The following ZHX1 variants were observed in gnomAD, a reference collection of about 807,000 sequenced individuals.
The protein encoded by ZHX1 is zinc fingers and homeoboxes 1, also known as zinc fingers and homeoboxes protein 1.
A neutral mutation model predicts 61.8 loss-of-function variants in ZHX1; 20 were observed. The ratio of observed to expected loss-of-function variants is 0.32; its 90% CI spans 0.23 to 0.47. The LOEUF is 0.47. Among genes scored for constraint, ZHX1 ranks in the 20% least tolerant of loss-of-function variants. ZHX1 has a pLI of 1.00. For missense variants in ZHX1, 800 were observed against 1,034.8 expected (o/e 0.77, Z 3.11); for synonymous variants, 318 against 352.6 (o/e 0.90, Z 1.10).
At chr8:123,268,257 C>T (rs1245658284) in intron 1 of ZHX1, among the ~76,000 whole-genome samples, 1 of 152,102 alleles carries the variant, frequency 6.6e-6, no homozygotes, top group African/African-American at 2.4e-5. Flanking sequence ...TTAGCCATGT[C>T]GTTTTTGCCT....
At chr8:123,257,942 G>A (rs1826125420) in intron 2 of ZHX1, among the ~76,000 whole-genome samples, 1 of 152,100 alleles carries the variant, frequency 6.6e-6, no homozygotes, top group Non-Finnish European at 1.5e-5. Flanking sequence ...ACTGTACATG[G>A]CAGAGTAATG....
chr8:123,254,480 G>A lies in ZHX1; in HGVS notation c.1467C>T (p.Pro489=), dbSNP rs1439142260. Residue 489 remains proline, a synonymous_variant, in exon 3 of 4, where the codon CCC becomes CCT. Coordinates refer to ENST00000395571, the MANE Select transcript of ZHX1 (RefSeq NM_007222.5). This position sits in a 1 kb window ranked among gnomAD's most constrained non-coding sequence, Gnocchi z 4.1. ...TAAGTCTGATAATTTCTGAATCATG[G>A]GGAAACTGATTTTTAAGGTAGCTAA... is the stretch of plus-strand genomic sequence containing the variant. ...LKVSYLKNQF[P]HDSEIIRLMK... 6.2e-7 allele frequency: 1 copy of A among 1,613,768 alleles called. No individual in the cohort carries two copies.
intron 2 of ZHX1, among the ~76,000 whole-genome samples, chr8:123,264,386 TA>T (rs545773127): frequency 1.3e-5 from 2 of 151,836 alleles, no homozygotes; most frequent in Non-Finnish European, 1.5e-5. Flanking sequence ...TACCCACTAC[TA>T]AAAAAAAGTC....
chr8:123,256,981 C>T (rs1258735555), intron 2 of ZHX1: 3 of 152,008 alleles, frequency 2.0e-5, no homozygotes. Flanking sequence ...TGCAGTGGCG[C>T]AATCTTGGCT....
In ZHX1 at chr8:123,254,986, C is replaced by T; in HGVS notation, c.961G>A (p.Ala321Thr). ...MSEITVLSAQ[A>T]KYTEEQIKIW... is the part of the protein sequence containing the mutation. The stretch of plus-strand genomic sequence containing the variant: ...TTGATCTGTTCCTCTGTATATTTTG[C>T]TTGAGCAGAAAGAACTGTAATTTCT... Residue 321 changes from alanine (A) to threonine (T), a missense_variant, in exon 3 of 4, where the codon GCA (alanine) becomes ACA (threonine). Physicochemically the swap from Ala to Thr is moderately conservative, Grantham distance 58. Transcript: ENST00000395571. The surrounding 1 kb of genome is among the most constrained non-coding windows in gnomAD (Gnocchi z 4.1). The T allele has an allele frequency of 6.2e-7, 1 of 1,614,106 alleles. No individual in the cohort carries two copies. The highest frequency in any genetic ancestry group is 8.5e-7 in the Non-Finnish European group (1 of 1,180,024).
chr8:123,267,000 GAC>G (rs535272107), intron 2 of ZHX1, among the ~76,000 whole-genome samples: 1 of 152,070 alleles, frequency 6.6e-6, no homozygotes, highest in Non-Finnish European at 1.5e-5. Context: ...TATAGTGCCT[GAC>G]ACAGCAGATT....
At chr8:123,264,498 C>G (rs974398191) in intron 2 of ZHX1, among the ~76,000 whole-genome samples, 2 of 152,174 alleles carry the variant, frequency 1.3e-5, no homozygotes, top group African/African-American at 4.8e-5. Flanking sequence ...TAACAGATAA[C>G]AATATGTTGG....
chr8:123,250,460 A>C (rs370791121), intron 3 of ZHX1, 140 bp from the exon 4 acceptor site: 5 of 323,818 alleles, frequency 1.5e-5, no homozygotes, highest in African/African-American at 1.1e-4. Flanking sequence ...TCCATAATAC[A>C]CTAGGCTTTG....
intron 2 of ZHX1, among the ~76,000 whole-genome samples, chr8:123,261,888 T>C (rs1400131081): frequency 6.6e-6 from 1 of 152,132 alleles, no homozygotes. Context: ...AAATACAGAA[T>C]AAGAATTTCT....
chr8:123,255,952 T>C lies in ZHX1; in HGVS notation c.-6A>G. On this transcript the variant is annotated 5_prime_UTR_variant, in exon 3 of 4. Coordinates refer to ENST00000395571, the MANE Select transcript of ZHX1 (RefSeq NM_007222.5). ...GATTTTCGCCTGCTTGCCATTCTGA[T>C]GTTATGAGGAAAAGCTCAGTGGTGA... The C allele has an allele frequency of 6.3e-7, 1 of 1,597,378 alleles. No individual in the cohort carries two copies. The highest frequency in any genetic ancestry group is 2.2e-5 in the East Asian group (1 of 44,644).
intron 1 of ZHX1, among the ~76,000 whole-genome samples, chr8:123,272,727 TC>T (rs1334110449): frequency 6.6e-6 from 1 of 152,126 alleles, no homozygotes; most frequent in Non-Finnish European, 1.5e-5. Context: ...TCTAAAGTGC[TC>T]TTATATATGT....
At chr8:123,263,721 C>A (rs1291687077) in intron 2 of ZHX1, among the ~76,000 whole-genome samples, 1 of 152,002 alleles carries the variant, frequency 6.6e-6, no homozygotes, top group African/African-American at 2.4e-5. Context: ...GTAATCCCAG[C>A]TGCTTGGGAG....
intron 2 of ZHX1, among the ~76,000 whole-genome samples, chr8:123,260,183 A>T (rs1826203794): frequency 6.6e-6 from 1 of 151,860 alleles, no homozygotes; most frequent in South Asian, 2.1e-4. Flanking sequence ...GAAAGAAAAG[A>T]AAAAAAGAAG....
chr8:123,254,603 T>C lies in ZHX1; in HGVS notation c.1344A>G (p.Pro448=), dbSNP rs1386864238. The C allele has an allele frequency of 3.1e-6, 5 of 1,614,074 alleles. No individual in the cohort carries two copies. Among genetic ancestry groups the C allele is most frequent in the East Asian group, 2.2e-5 (1 of 44,902 alleles). The change falls in exon 3 of 4, where the codon CCA becomes CCG. Residue 448 remains proline (P), a synonymous_variant. Transcript: ENST00000395571. This position sits in a 1 kb window ranked among gnomAD's most constrained non-coding sequence, Gnocchi z 4.1. ...AETKPATAAV[P]TSQSVKHETA... ...TTTCATGTTTGACACTTTGAGAAGT[T>C]GGAACTGCTGCTGTTGCTGGCTTTG...
rs1825850299 is a variant in ZHX1 at position 123,249,195 on chromosome 8, G to C, written c.*1129C>G. The stretch of plus-strand genomic sequence containing the variant: ...ACGAAGAAAGCGCATTTTGAAAAAT[G>C]GTCCTATGGTCACAAAAGAAAGGGT... On this transcript the variant is annotated 3_prime_UTR_variant, in exon 4 of 4. Transcript: ENST00000395571. 6.6e-6 allele frequency: 1 copy of C among 152,582 alleles called. No homozygotes were observed. Among genetic ancestry groups the C allele is most frequent in the South Asian group, 2.1e-4 (1 of 4,826 alleles). The allele number at this position is 152,582 out of a possible 1,614,324, so 9.5% of individuals were successfully genotyped here. A position where few individuals can be genotyped will look rare whatever the true frequency, so the allele number is the denominator to read the frequency against.
Position 123,254,075 on chromosome 8 carries a change from AG to A in ZHX1, c.1871del (p.Ala624ValfsTer2). 1 of 1,613,940 alleles carries A rather than the reference AG, an allele frequency of 6.2e-7. No individual in the cohort carries two copies. The highest frequency in any genetic ancestry group is 8.5e-7 in the Non-Finnish European group (1 of 1,179,994). On this transcript the variant is annotated frameshift_variant, in exon 3 of 4. Transcript: ENST00000395571. LOFTEE classifies it high-confidence loss of function. The surrounding 1 kb of genome is among the most constrained non-coding windows in gnomAD (Gnocchi z 4.1). ...CTATTTCCATTTTCTCTTCCTTTAA[AG>A]CTTTTGATTTCTTCTTCTCTGTAAA... ...AWFTEKKKSKALKEEKMEIDE... is the reference protein window; with the variant it reads ...AWFTEKKKSKXLKEEKMEIDE...
chr8:123,269,225 T>C (rs1299354789), intron 1 of ZHX1, among the ~76,000 whole-genome samples: 2 of 152,196 alleles, frequency 1.3e-5, no homozygotes, highest in Non-Finnish European at 1.5e-5. Context: ...AGGAATCTGG[T>C]AACCTACTTC....
Position 123,255,213 on chromosome 8 carries a change from CT to C in ZHX1, c.733del (p.Ser245ValfsTer6), listed in dbSNP as rs758333320. The C allele has an allele frequency of 6.2e-7, 1 of 1,614,152 alleles. No homozygotes were observed. The highest frequency in any genetic ancestry group is 8.5e-7 in the Non-Finnish European group (1 of 1,180,010). Reference sequence around the variant, plus strand: ...TGGTGTCACTACCGTGCTGGCAGTACTTGGATGTATTCTGTTTACAATGGAA... The same window carrying C: ...TGGTGTCACTACCGTGCTGGCAGTACTGGATGTATTCTGTTTACAATGGAA... ...STSIVNRIHP[S>X]TASTVVTPAA... On this transcript the variant is annotated frameshift_variant, in exon 3 of 4. Coordinates refer to ENST00000395571, the MANE Select transcript of ZHX1 (RefSeq NM_007222.5). LOFTEE classifies it high-confidence loss of function.
At chr8:123,253,192 G>C (rs915900704) in intron 3 of ZHX1, 130 bp downstream of exon 3, 2 of 680,140 alleles carry the variant, frequency 2.9e-6, no homozygotes, top group South Asian at 4.3e-5. Context: ...GTGGTACCTA[G>C]TCTTATTAGG....
Sources: allele counts gnomAD v4.1 joint callset (sites outside exome capture counted in the v4.1 genomes callset), GRCh38; gene constraint gnomAD v4.1.1; non-coding constraint Gnocchi (gnomAD v3.1); transcripts MANE v1.5; gene names NCBI Gene and HGNC (gene_info 2026-07-23, HGNC 2026-07-21).